Variants in SNX24 observed in about 807,000 individuals in gnomAD.
The protein encoded by SNX24 is sorting nexin-24.
A neutral mutation model predicts 28.7 loss-of-function variants in SNX24; 22 were observed. The observed-to-expected ratio is 0.77, with a 90% CI of 0.55 to 1.10. SNX24 has a LOEUF of 1.10. Ranked by LOEUF, SNX24 falls within the 50% of genes least tolerant of loss-of-function variation. SNX24 has a pLI of 0.00. For synonymous variants in SNX24, 69 were observed against 71.5 expected (o/e 0.96, Z 0.18); for missense variants, 221 against 201.1 (o/e 1.10, Z -0.60).
Position 122,946,149 on chromosome 5 carries a change from C to T in SNX24, c.239C>T (p.Thr80Ile), listed in dbSNP as rs1206643431. Residue 80 changes from threonine to isoleucine, a missense_variant, in exon 3 of 7, where the codon ACA (threonine) becomes ATA (isoleucine). Physicochemically the swap from Thr to Ile is moderately conservative, Grantham distance 89. Transcript: ENST00000261369. ...GAACAGCGACGACAAGGCTTGGAAA[C>T]ATACTTACAGGTAAGATATGTTTAG... is the stretch of plus-strand genomic sequence containing the variant. ...VLEQRRQGLE[T>I]YLQAVILENE... 1.3e-6 allele frequency: 2 copies of T among 1,589,226 alleles called. No homozygotes were observed. Among genetic ancestry groups the T allele is most frequent in the African/African-American group, 2.7e-5 (2 of 74,296 alleles).
chr5:122,985,011 A>G (rs1172617137), intron 3 of SNX24, among the ~76,000 whole-genome samples: 2 of 152,190 alleles, frequency 1.3e-5, no homozygotes, highest in African/African-American at 4.8e-5. Context: ...GAGCCATAAT[A>G]AAGAGGTCAG....
intron 3 of SNX24, among the ~76,000 whole-genome samples, chr5:122,972,827 C>T (rs1761011080): frequency 6.6e-6 from 1 of 152,194 alleles, no homozygotes; most frequent in Non-Finnish European, 1.5e-5. Flanking sequence ...TGGCTGATCA[C>T]CCCAAGGAAT....
In SNX24 at chr5:122,916,085, A is replaced by G. The variant is rs114316088; in HGVS notation, c.61-20649A>G. Among the ~76,000 whole-genome samples, 1,085 of 152,380 alleles carry G rather than the reference A, an allele frequency of 7.1e-3. 15 individuals carry two copies. The highest frequency in any genetic ancestry group is 0.025 in the African/African-American group (1,038 of 41,584). On this transcript the variant is annotated intron_variant, in intron 1 of 6. Coordinates refer to ENST00000261369, the MANE Select transcript of SNX24 (RefSeq NM_014035.4). ...ACATGTTTACACATAAAAGTGATCAATAATTTTTCACTGAATAAATAAAGT... is the reference window on the plus strand; with the variant it reads ...ACATGTTTACACATAAAAGTGATCAGTAATTTTTCACTGAATAAATAAAGT...
intron 1 of SNX24, among the ~76,000 whole-genome samples, chr5:122,886,384 C>T (rs1190124080): frequency 6.6e-6 from 1 of 152,168 alleles, no homozygotes; most frequent in Non-Finnish European, 1.5e-5. Flanking sequence ...TCTCTCTCCT[C>T]TCTTCTATTA....
At chr5:122,883,212 AG>A (rs1756559202) in intron 1 of SNX24, among the ~76,000 whole-genome samples, 1 of 152,214 alleles carries the variant, frequency 6.6e-6, no homozygotes, top group Non-Finnish European at 1.5e-5. Flanking sequence ...GTTTCCACAG[AG>A]GCCTTCAGAT....
intron 3 of SNX24, among the ~76,000 whole-genome samples, chr5:122,969,918 C>T (rs1218418299): frequency 6.6e-6 from 1 of 152,054 alleles, no homozygotes; most frequent in East Asian, 1.9e-4. Flanking sequence ...CTATTCAAGA[C>T]TTTCTCCACG....
At chr5:123,024,794 C>A (rs1762827990) in intron 5 of SNX24, among the ~76,000 whole-genome samples, 1 of 152,088 alleles carries the variant, frequency 6.6e-6, no homozygotes, top group Non-Finnish European at 1.5e-5. Flanking sequence ...TAGAATAAGT[C>A]ACATGAAAAC....
intron 1 of SNX24, among the ~76,000 whole-genome samples, chr5:122,910,304 C>T (rs916740937): frequency 2.6e-5 from 4 of 152,078 alleles, no homozygotes; most frequent in Admixed American, 2.6e-4. Context: ...TCACAGCCAC[C>T]CCCTTCTCTA....
chr5:123,026,264 C>G (rs149592485), intron 5 of SNX24, among the ~76,000 whole-genome samples: 5 of 152,296 alleles, frequency 3.3e-5, no homozygotes, highest in Admixed American at 1.3e-4. Flanking sequence ...TGACTTCGCT[C>G]TGAAGTGAGA....
intron 1 of SNX24, among the ~76,000 whole-genome samples, chr5:122,915,677 C>T (rs917577238): frequency 6.6e-6 from 1 of 152,124 alleles, no homozygotes; most frequent in Non-Finnish European, 1.5e-5. Flanking sequence ...TATCAGCTCC[C>T]ACTTAAAAAT....
intron 1 of SNX24, among the ~76,000 whole-genome samples, chr5:122,905,429 T>C (rs1165703006): frequency 6.6e-6 from 1 of 152,178 alleles, no homozygotes; most frequent in Non-Finnish European, 1.5e-5. Flanking sequence ...GCTTAGGAAA[T>C]ACAGGCTAAT....
At chr5:122,959,425 A>G (rs1760376063) in intron 3 of SNX24, among the ~76,000 whole-genome samples, 1 of 151,090 alleles carries the variant, frequency 6.6e-6, no homozygotes. Flanking sequence ...AGACAAGACA[A>G]GGTCTTGCTA....
rs369684751 is a variant in SNX24, at chr5:122,970,597, T to A, written c.249+24438T>A. On this transcript the variant is annotated intron_variant, in intron 3 of 6. Coordinates refer to ENST00000261369, the MANE Select transcript of SNX24 (RefSeq NM_014035.4). ...CATTCTCCTGCCTCAGCCTCCCGAG[T>A]AGCTGGGACTACAGGTGCCCGCCAC... Among the ~76,000 whole-genome samples, 19 of 152,216 alleles carry A rather than the reference T, an allele frequency of 1.2e-4. No homozygotes were observed. In the East Asian group the frequency reaches 1.4e-3, roughly 11 times the overall value.
chr5:122,895,192 A>T (rs1366637991), intron 1 of SNX24, among the ~76,000 whole-genome samples: 3 of 151,970 alleles, frequency 2.0e-5, no homozygotes, highest in African/African-American at 7.2e-5. Flanking sequence ...AAAAAAATTA[A>T]TATATATTTG....
At chr5:122,860,123 TC>T (rs931027569) in intron 1 of SNX24, among the ~76,000 whole-genome samples, 2 of 152,192 alleles carry the variant, frequency 1.3e-5, no homozygotes, top group Non-Finnish European at 2.9e-5. Context: ...TGCAAAGTTT[TC>T]CCCACAAAGA....
At chr5:122,978,841 C>T (rs565911808) in intron 3 of SNX24, among the ~76,000 whole-genome samples, 1 of 152,274 alleles carries the variant, frequency 6.6e-6, no homozygotes, top group African/African-American at 2.4e-5. Flanking sequence ...GAAAAGGTTG[C>T]TGTCCAAAGG....
At chr5:122,876,266 G>A (rs1384838649) in intron 1 of SNX24, among the ~76,000 whole-genome samples, 1 of 152,178 alleles carries the variant, frequency 6.6e-6, no homozygotes, top group African/African-American at 2.4e-5. Context: ...ATTTGGAAGG[G>A]TTTTTAAAAG....
At chr5:122,993,192 T>A (rs1375232117) in intron 3 of SNX24, among the ~76,000 whole-genome samples, 1 of 151,986 alleles carries the variant, frequency 6.6e-6, no homozygotes, top group Non-Finnish European at 1.5e-5. Flanking sequence ...GCAAATGGTG[T>A]CACACACAAA....
At chr5:122,913,195 T>C (rs1757971314) in intron 1 of SNX24, among the ~76,000 whole-genome samples, 1 of 152,214 alleles carries the variant, frequency 6.6e-6, no homozygotes, top group South Asian at 2.1e-4. Flanking sequence ...AAACCGCCAT[T>C]GTCATCATGG....
Sources: allele counts gnomAD v4.1 joint callset (sites outside exome capture counted in the v4.1 genomes callset), GRCh38; gene constraint gnomAD v4.1.1; transcripts MANE v1.5; gene names NCBI Gene and HGNC (gene_info 2026-07-23, HGNC 2026-07-21).